CCDC172: variants seen among roughly 807,000 people sequenced by gnomAD.
CCDC172 encodes the protein coiled-coil domain-containing protein 172.
A neutral mutation model predicts 38.0 loss-of-function variants in CCDC172; 30 were observed. The observed-to-expected ratio is 0.79, with a 90% CI of 0.59 to 1.07. The LOEUF is 1.07. Ranked by LOEUF, CCDC172 falls within the 50% of genes least tolerant of loss-of-function variation. The pLI is 0.00. For synonymous variants in CCDC172, 78 were observed against 88.3 expected (o/e 0.88, Z 0.66); for missense variants, 297 against 290.1 (o/e 1.02, Z -0.17).
intron 5 of CCDC172, among the ~76,000 whole-genome samples, chr10:116,342,767 T>C (rs1011853108): frequency 3.3e-5 from 5 of 152,160 alleles, no homozygotes; most frequent in African/African-American, 7.2e-5. Context: ...TCTCATGACA[T>C]TGAGTGAGTT....
At chr10:116,367,415 C>T (rs1446187157) in intron 7 of CCDC172, among the ~76,000 whole-genome samples, 1 of 152,040 alleles carries the variant, frequency 6.6e-6, no homozygotes, top group Admixed American at 6.6e-5. Context: ...AGAGGCCAGG[C>T]GCGGTGGCTT....
intron 3 of CCDC172, among the ~76,000 whole-genome samples, chr10:116,330,189 T>A (rs969991871): frequency 4.6e-5 from 7 of 152,186 alleles, no homozygotes; most frequent in African/African-American, 1.7e-4. Flanking sequence ...ATTTTGCCAA[T>A]GATAATATGC....
intron 3 of CCDC172, among the ~76,000 whole-genome samples, chr10:116,327,915 A>G (rs931463969): frequency 5.9e-5 from 9 of 152,138 alleles, no homozygotes; most frequent in African/African-American, 2.2e-4. Context: ...TGCCAATAAC[A>G]ATGAAAATAT....
At position 116,350,625 on chromosome 10, in the gene CCDC172, T is replaced by A. The variant is rs2568925; in HGVS notation, c.449-6755T>A. ...GTTTTTCTCAAAATGTTCCTCTTAC[T>A]CATTTCTCCGAGTTGTTGAATTCAT... On this transcript the variant is annotated intron_variant, in intron 5 of 8. Coordinates refer to ENST00000333254, the MANE Select transcript of CCDC172 (RefSeq NM_198515.3). Among the ~76,000 whole-genome samples, 308 of 152,342 alleles carry A rather than the reference T, an allele frequency of 2.0e-3. 1 individual carries two copies. The highest frequency in any genetic ancestry group is 7.2e-3 in the African/African-American group (301 of 41,588).
At position 116,340,650 on chromosome 10, in the gene CCDC172, T is replaced by A. The variant is rs545383672; in HGVS notation, c.166-84T>A. 3 of 673,284 alleles carry A rather than the reference T, an allele frequency of 4.5e-6. No homozygotes were observed. In the East Asian group the frequency reaches 8.0e-5, roughly 18 times the overall value. 41.7% of individuals were successfully genotyped at this position (673,284 alleles called of 1,614,324 possible). On this transcript the variant is annotated intron_variant, in intron 3 of 8. Transcript: ENST00000333254. ...GATTAATACAGAATATATTTTATAC[T>A]AGACAAATCTTCTCTGTTACCTAAG...
intron 5 of CCDC172, among the ~76,000 whole-genome samples, chr10:116,343,530 TTTA>T (rs1160024339): frequency 3.5e-5 from 5 of 144,460 alleles, no homozygotes; most frequent in South Asian, 2.2e-4. Flanking sequence ...TTTTTTTTTT[TTTA>T]AAAAAATATA....
chr10:116,343,596 A>C (rs1312638618), intron 5 of CCDC172, among the ~76,000 whole-genome samples: 3 of 151,742 alleles, frequency 2.0e-5, no homozygotes, highest in Non-Finnish European at 4.4e-5. Context: ...CCATTCTGTA[A>C]AAGTTGCGTA....
chr10:116,352,485 G>A (rs78067502), intron 5 of CCDC172, among the ~76,000 whole-genome samples: 3,466 of 152,150 alleles, frequency 0.023, 69 homozygotes, highest in Non-Finnish European at 0.031. Context: ...GTATACTCAA[G>A]GACATGAGCA....
At chr10:116,375,135 A>C (rs931468023) in intron 7 of CCDC172, among the ~76,000 whole-genome samples, 2 of 152,126 alleles carry the variant, frequency 1.3e-5, no homozygotes, top group African/African-American at 4.8e-5. Context: ...AGTTTTGTGA[A>C]TAGCCTGGGT....
intron 5 of CCDC172, among the ~76,000 whole-genome samples, chr10:116,343,374 G>T (rs1844820249): frequency 6.6e-6 from 1 of 152,202 alleles, no homozygotes; most frequent in Middle Eastern, 3.4e-3. Context: ...TGGAGTCATT[G>T]TTATATAGCA....
chr10:116,362,303 G>T (rs923641606), intron 7 of CCDC172, among the ~76,000 whole-genome samples: 1 of 152,176 alleles, frequency 6.6e-6, no homozygotes, highest in Admixed American at 6.5e-5. Context: ...ACACTGGTCT[G>T]CAGTTTGCTT....
chr10:116,356,949 T>C (rs1448161128), intron 5 of CCDC172, among the ~76,000 whole-genome samples: 1 of 152,186 alleles, frequency 6.6e-6, no homozygotes, highest in Non-Finnish European at 1.5e-5. Context: ...AAAGAGTTAC[T>C]AGTTGGCCAG....
chr10:116,362,932 T>A (rs11197638), intron 7 of CCDC172, among the ~76,000 whole-genome samples: 18,071 of 152,178 alleles, frequency 0.12, 1,710 homozygotes, highest in African/African-American at 0.26. Context: ...ACTGTAGTTA[T>A]TAAAGCTTCA....
intron 3 of CCDC172, among the ~76,000 whole-genome samples, chr10:116,337,068 G>C (rs1316754358): frequency 6.6e-6 from 1 of 150,638 alleles, no homozygotes; most frequent in East Asian, 1.9e-4. Flanking sequence ...GAGAGAAGCA[G>C]AATTAACCAG....
chr10:116,378,356 C>A, intron 7 of CCDC172, 67 bp from the exon 8 acceptor site: 1 of 1,431,766 alleles, frequency 7.0e-7, no homozygotes, highest in Non-Finnish European at 9.3e-7. Context: ...AAACTTGTCC[C>A]TCTCTGTGCA....
chr10:116,327,865 T>C (rs980537458), intron 3 of CCDC172, among the ~76,000 whole-genome samples: 2 of 152,244 alleles, frequency 1.3e-5, no homozygotes, highest in African/African-American at 4.8e-5. Context: ...TAATCCTAAA[T>C]TGATTTCTTG....
intron 3 of CCDC172, among the ~76,000 whole-genome samples, chr10:116,335,020 G>C (rs1280939542): frequency 6.6e-6 from 1 of 151,718 alleles, no homozygotes; most frequent in Non-Finnish European, 1.5e-5. Context: ...TTTATCATTT[G>C]TTGCAAACTT....
At chr10:116,347,613 C>G (rs1844883056) in intron 5 of CCDC172, among the ~76,000 whole-genome samples, 1 of 152,052 alleles carries the variant, frequency 6.6e-6, no homozygotes, top group Non-Finnish European at 1.5e-5. Context: ...GAGAGCTTCA[C>G]TCTGACATCA....
At chr10:116,339,064 C>G (rs1258062328) in intron 3 of CCDC172, among the ~76,000 whole-genome samples, 1 of 151,982 alleles carries the variant, frequency 6.6e-6, no homozygotes, top group African/African-American at 2.4e-5. Context: ...TGCAAACACC[C>G]TTCTCAGTAA....
Sources: allele counts gnomAD v4.1 joint callset (sites outside exome capture counted in the v4.1 genomes callset), GRCh38; gene constraint gnomAD v4.1.1; transcripts MANE v1.5; gene names NCBI Gene and HGNC (gene_info 2026-07-23, HGNC 2026-07-21).